The following ADGRV1 variants were observed in gnomAD, a reference collection of about 807,000 sequenced individuals.
ADGRV1 encodes the protein G-protein coupled receptor 98.
ADGRV1 carries 359 observed loss-of-function variants against 596.2 expected under a neutral mutation model. The observed-to-expected ratio is 0.60, with a 90% confidence interval of 0.55 to 0.66. ADGRV1 has a LOEUF of 0.66. Ranked by LOEUF, ADGRV1 falls within the 30% of genes least tolerant of loss-of-function variation. ADGRV1 has a pLI of 0.00. For missense variants in ADGRV1, 7,274 were observed against 7,575.6 expected (o/e 0.96, Z 1.48); for synonymous variants, 2,681 against 2,679.2 (o/e 1.00, Z -0.02).
rs991934291 is a variant in ADGRV1 at position 90,705,382 on chromosome 5, C to T, written c.8387-18C>T. 1.2e-6 allele frequency: 2 copies of T among 1,610,566 alleles called. No homozygotes were observed. Among genetic ancestry groups the T allele is most frequent in the Non-Finnish European group, 1.7e-6 (2 of 1,178,026 alleles). ...GCTAATGCCAAATCACTGTTAGATT[C>T]CTGCCTGACATTTTTAGGAGTTCCA... is the stretch of plus-strand genomic sequence containing the variant. On this transcript the variant is annotated intron_variant, in intron 36 of 89. Coordinates refer to ENST00000405460, the MANE Select transcript of ADGRV1 (RefSeq NM_032119.4).
rs1287724242 is a variant in ADGRV1 at position 90,705,411 on chromosome 5, G to A, written c.8398G>A (p.Ala2800Thr). The change falls in exon 37 of 90, where the codon GCC (alanine) becomes ACC (threonine). Residue 2800 changes from alanine (A) to threonine (T), a missense_variant. This residue lies in a region of ADGRV1 where 3,643 missense variants were observed against 3,809.2 expected (regional missense o/e 0.96). Transcript: ENST00000405460. ...CCTGACATTTTTAGGAGTTCCACCA[G>A]CCGGAATCGCCCTGCTTGATGCTCA... ...YDVRTQGVPPAGIALLDAQGY... is the reference protein window; with the variant it reads ...YDVRTQGVPPTGIALLDAQGY... The A allele has an allele frequency of 3.1e-6, 5 of 1,613,290 alleles. No homozygotes were observed. In the African/African-American group the frequency reaches 5.3e-5, roughly 17 times the overall value.
intron 82 of ADGRV1, among the ~76,000 whole-genome samples, chr5:90,862,356 TCACA>T (rs5869527): frequency 1.9e-4 from 28 of 150,074 alleles, no homozygotes; most frequent in Admixed American, 4.0e-4. Context: ...AGTATATTAC[TCACA>T]CACACACACA....
intron 9 of ADGRV1, chr5:90,630,560 T>C (rs1390810458): frequency 6.6e-6 from 1 of 152,182 alleles, no homozygotes; most frequent in African/African-American, 2.4e-5. Flanking sequence ...AGGGTACTTA[T>C]TAAATTATGT....
At chr5:90,917,878 A>C (rs2150724655) in intron 83 of ADGRV1, among the ~76,000 whole-genome samples, 1 of 151,870 alleles carries the variant, frequency 6.6e-6, no homozygotes, top group East Asian at 1.9e-4. Context: ...CATCACCACT[A>C]TCATTTTTTT....
intron 85 of ADGRV1, among the ~76,000 whole-genome samples, chr5:90,990,844 T>G (rs1028073286): frequency 6.6e-6 from 1 of 152,196 alleles, no homozygotes; most frequent in Non-Finnish European, 1.5e-5. Context: ...ATTGAGTAGT[T>G]TTATATTGAA....
rs530998112 is a variant in ADGRV1, at chr5:90,853,971, A to G, written c.17455-91A>G. 3.6e-4 allele frequency: 314 copies of G among 862,812 alleles called. 1 individual carries two copies. The African/African-American group carries it at 4.9e-3, about 13-fold the overall frequency. The allele number at this position is 862,812 out of a possible 1,614,324, so 53.4% of individuals were successfully genotyped here. The stretch of plus-strand genomic sequence containing the variant: ...TGAAAGAAAACAAATGACTGTAGCT[A>G]CTAGAAAAATGAAGTCAAGTTCAGG... On this transcript the variant is annotated intron_variant, in intron 80 of 89. Transcript: ENST00000405460.
Position 91,163,890 on chromosome 5 carries a change from C to T in ADGRV1, c.18911C>T (p.Thr6304Ile). The part of the protein sequence containing the change: ...VELRRIPIAD[T>I]HL ...CTCAGGAGGATACCCATCGCCGACA[C>T]TCACCTGTAGCACCTCACTAACCAT... The change falls in exon 90 of 90, where the codon ACT (threonine) becomes ATT (isoleucine). Residue 6304 changes from threonine (T) to isoleucine (I), a missense_variant. By Grantham distance (89) the Thr-to-Ile change is moderately conservative. Around this residue, in one of 5 missense-constraint regions of ADGRV1, gnomAD observed 1,874 missense variants for 1,970.2 expected, o/e 0.95. Coordinates refer to ENST00000405460, the MANE Select transcript of ADGRV1 (RefSeq NM_032119.4). 6.5e-7 allele frequency: 1 copy of T among 1,528,424 alleles called. No homozygotes were observed. Among genetic ancestry groups the T allele is most frequent in the Non-Finnish European group, 9.0e-7 (1 of 1,105,104 alleles). The allele number at this position is 1,528,424 out of a possible 1,614,324, so 94.7% of individuals were successfully genotyped here.
chr5:90,984,275 A>G (rs1262270573), intron 84 of ADGRV1, among the ~76,000 whole-genome samples: 2 of 152,180 alleles, frequency 1.3e-5, no homozygotes, highest in East Asian at 3.8e-4. Flanking sequence ...TACAAAATTG[A>G]GAAGGAGGAT....
At chr5:90,866,305 G>A (rs921687029) in intron 83 of ADGRV1, among the ~76,000 whole-genome samples, 12 of 83,264 alleles carry the variant, frequency 1.4e-4, no homozygotes, top group Non-Finnish European at 3.0e-4. Flanking sequence ...AATTTATTGT[G>A]TATGTGTATA....
intron 64 of ADGRV1, chr5:90,779,936 T>TA (rs1645125745): frequency 6.6e-6 from 1 of 152,214 alleles, no homozygotes; most frequent in African/African-American, 2.4e-5. Context: ...CTTAAGTGTA[T>TA]ATCATCCCAT....
At chr5:90,797,945 T>G (rs1195717463) in intron 70 of ADGRV1, among the ~76,000 whole-genome samples, 1 of 152,114 alleles carries the variant, frequency 6.6e-6, no homozygotes, top group African/African-American at 2.4e-5. Flanking sequence ...AGAGGGAAAT[T>G]TATAGCATTA....
chr5:90,684,054 G>A lies in ADGRV1; in HGVS notation c.6133G>A (p.Gly2045Arg), dbSNP rs41308846. The change falls in exon 28 of 90, where the codon GGA becomes AGA. Residue 2045 changes from glycine (G) to arginine (R), a missense_variant. By Grantham distance (125) the Gly-to-Arg change is moderately radical. Transcript: ENST00000405460. ...TQGRDYIPAS[G>R]FALFGANQSE... ...AGGAAGAGACTATATACCAGCTTCT[G>A]GATTTGCTCTTTTTGGAGCTAATCA... The A allele has an allele frequency of 6.3e-3, 10,143 of 1,613,882 alleles. 50 individuals are homozygous for A. The highest frequency in any genetic ancestry group is 7.7e-3 in the Non-Finnish European group (9,143 of 1,179,850).
intron 85 of ADGRV1, among the ~76,000 whole-genome samples, chr5:91,007,350 T>C (rs914495108): frequency 4.6e-5 from 7 of 152,142 alleles, no homozygotes; most frequent in African/African-American, 1.7e-4. Flanking sequence ...ATACTCATAG[T>C]GTAGCCTTCA....
chr5:90,732,467 A>G (rs1433976964), intron 50 of ADGRV1, among the ~76,000 whole-genome samples: 3 of 152,138 alleles, frequency 2.0e-5, no homozygotes, highest in African/African-American at 4.8e-5. Flanking sequence ...TTTTTTGATG[A>G]AAACACTTAA....
intron 85 of ADGRV1, among the ~76,000 whole-genome samples, chr5:91,028,520 AT>A (rs1784202827): frequency 6.6e-6 from 1 of 152,084 alleles, no homozygotes; most frequent in African/African-American, 2.4e-5. Context: ...TGCCCTAAGC[AT>A]ATTTTCTCAG....
At chr5:91,044,781 C>T (rs1329959162) in intron 85 of ADGRV1, among the ~76,000 whole-genome samples, 1 of 152,132 alleles carries the variant, frequency 6.6e-6, no homozygotes, top group Non-Finnish European at 1.5e-5. Context: ...CTTTCTTGAA[C>T]CCTTGTTATG....
chr5:91,135,036 G>A (rs1358455283), intron 87 of ADGRV1, among the ~76,000 whole-genome samples: 1 of 151,962 alleles, frequency 6.6e-6, no homozygotes, highest in Non-Finnish European at 1.5e-5. Context: ...ACAAAAATTA[G>A]CTGGGCATTT....
chr5:90,756,432 A>G lies in ADGRV1; in HGVS notation c.11581-22A>G, dbSNP rs369360990. On this transcript the variant is annotated intron_variant, in intron 55 of 89. Transcript: ENST00000405460. ...ATGTCTTAAAAAAAAATGAAACACC[A>G]TCTTTTTCCCCCATCCCCCAGGATG... 5.1e-5 allele frequency: 74 copies of G among 1,447,744 alleles called. No homozygotes were observed. The African/African-American group carries it at 6.9e-4, about 14-fold the overall frequency. The allele number at this position is 1,447,744 out of a possible 1,614,324, so 89.7% of individuals were successfully genotyped here. A position where few individuals can be genotyped will look rare whatever the true frequency, so the allele number is the denominator to read the frequency against.
chr5:91,081,895 TG>T (rs1789419151), intron 86 of ADGRV1, among the ~76,000 whole-genome samples: 1 of 152,222 alleles, frequency 6.6e-6, no homozygotes, highest in Non-Finnish European at 1.5e-5. Flanking sequence ...CACCTAAAAG[TG>T]ATATGACTTC....
Sources: allele counts gnomAD v4.1 joint callset (sites outside exome capture counted in the v4.1 genomes callset), GRCh38; gene constraint gnomAD v4.1.1; regional missense constraint gnomAD v4.1.1; transcripts MANE v1.5; gene names NCBI Gene and HGNC (gene_info 2026-07-23, HGNC 2026-07-21).